Variants in MYDGF observed in about 807,000 individuals in gnomAD.
The protein encoded by MYDGF is myeloid-derived growth factor.
MYDGF carries 29 observed loss-of-function variants against 24.2 expected under a neutral mutation model. The ratio of observed to expected loss-of-function variants is 1.20; its 90% CI spans 0.89 to 1.63. The LOEUF (loss-of-function observed/expected upper bound fraction) is 1.63. MYDGF is among the 40% of genes most tolerant of loss of function. The pLI is 0.00. For synonymous variants in MYDGF, 105 were observed against 102.5 expected, an observed-to-expected ratio of 1.02 and a Z score of -0.15; for missense variants, 245 against 234.8, an observed-to-expected ratio of 1.04 and a Z score of -0.29.
In MYDGF at chr19:4,660,713, T is replaced by C; in HGVS notation, c.325A>G (p.Lys109Glu). The C allele has an allele frequency of 6.2e-7, 1 of 1,614,034 alleles. No individual in the cohort carries two copies. Among genetic ancestry groups the C allele is most frequent in the Non-Finnish European group, 8.5e-7 (1 of 1,179,998 alleles). Residue 109 changes from lysine to glutamate, a missense_variant, in exon 4 of 6, where the codon AAG becomes GAG. Lys to Glu is a moderately conservative substitution (Grantham distance 56). Transcript: ENST00000262947. ...ATCTCAGCGCCCCGCACCTCTGCCT[T>C]GAACTGTGTGAAGTACAGATAGGAC... The part of the protein sequence containing the change: ...GKSYLYFTQF[K>E]AEVRGAEIEY...
intron 5 of MYDGF, among the ~76,000 whole-genome samples, chr19:4,658,864 G>A (rs2088446017): frequency 1.3e-5 from 2 of 152,088 alleles, no homozygotes; most frequent in South Asian, 4.2e-4. Context: ...GTGCAGTGGT[G>A]CAGTCTCGAC....
In MYDGF at chr19:4,668,575, G is replaced by C; in HGVS notation, c.225+20C>G. The C allele has an allele frequency of 6.2e-7, 1 of 1,600,758 alleles. No individual in the cohort carries two copies. Among genetic ancestry groups the C allele is most frequent in the Non-Finnish European group, 8.6e-7 (1 of 1,168,012 alleles). On this transcript the variant is annotated intron_variant, in intron 2 of 5. Transcript: ENST00000262947. Reference sequence around the variant, plus strand: ...ATGGATACTGTCACAGTAAGCTAGAGGGAATTTTGAACAACTCACCTCATT... The same window carrying C: ...ATGGATACTGTCACAGTAAGCTAGACGGAATTTTGAACAACTCACCTCATT...
chr19:4,665,544 G>T (rs1045790394), intron 2 of MYDGF, among the ~76,000 whole-genome samples: 12 of 152,122 alleles, frequency 7.9e-5, no homozygotes, highest in Admixed American at 3.9e-4. Context: ...TGTCCAGGCC[G>T]GGCGCGGTGG....
At chr19:4,667,707 C>A (rs2088532072) in intron 2 of MYDGF, among the ~76,000 whole-genome samples, 1 of 141,382 alleles carries the variant, frequency 7.1e-6, no homozygotes, top group Non-Finnish European at 1.5e-5. Flanking sequence ...TTCTCCCAGC[C>A]CAGAGACTTT....
At chr19:4,665,062 T>A in intron 2 of MYDGF, 125 bp from the exon 3 acceptor site, 3 of 1,033,582 alleles carry the variant, frequency 2.9e-6, no homozygotes, top group Non-Finnish European at 4.2e-6. Context: ...GGCTGGCCAC[T>A]AAATCCCCTG....
At chr19:4,664,764 C>T in intron 3 of MYDGF, 112 bp downstream of exon 3, 2 of 1,214,710 alleles carry the variant, frequency 1.6e-6, no homozygotes, top group Non-Finnish European at 2.3e-6. Flanking sequence ...CCCTGCTGGT[C>T]TGTCTTCCCC....
At chr19:4,670,061 C>A in intron 1 of MYDGF, 100 bp downstream of exon 1, 1 of 1,289,154 alleles carries the variant, frequency 7.8e-7, no homozygotes, top group Non-Finnish European at 1.0e-6. Flanking sequence ...GTACCCACCT[C>A]CGCGGTCCGC....
chr19:4,665,811 A>T (rs1001709001), intron 2 of MYDGF, among the ~76,000 whole-genome samples: 34 of 115,430 alleles, frequency 2.9e-4, no homozygotes, highest in African/African-American at 1.1e-3. Context: ...ACAGAGCGAG[A>T]CTCTGTCTCA....
intron 3 of MYDGF, among the ~76,000 whole-genome samples, chr19:4,661,702 G>A (rs2088472450): frequency 6.6e-6 from 1 of 152,096 alleles, no homozygotes. Flanking sequence ...GGGGTATCCA[G>A]GGAGCCCTAG....
chr19:4,657,730 CTT>C lies in MYDGF; in HGVS notation c.*273_*274del. On this transcript the variant is annotated 3_prime_UTR_variant, in exon 6 of 6. Transcript: ENST00000262947. Reference sequence around the variant, plus strand: ...GCATAGCCCCCATGTTCCCCACCCTCTTTGTGCCCCGGATCTGCGATCCTGAG... The same window carrying C: ...GCATAGCCCCCATGTTCCCCACCCTCTGTGCCCCGGATCTGCGATCCTGAG... The C allele has an allele frequency of 6.4e-6, 2 of 314,854 alleles. No individual in the cohort carries two copies. The highest frequency in any genetic ancestry group is 1.2e-5 in the Non-Finnish European group (2 of 169,020). The allele number at this position is 314,854 out of a possible 1,614,324, so 19.5% of individuals were successfully genotyped here.
chr19:4,668,976 T>C (rs184739106), intron 1 of MYDGF, among the ~76,000 whole-genome samples: 28 of 152,230 alleles, frequency 1.8e-4, no homozygotes, highest in African/African-American at 6.0e-4. Context: ...CCTGAGTACT[T>C]GGGATTACAG....
chr19:4,665,996 C>T (rs530910735), intron 2 of MYDGF, among the ~76,000 whole-genome samples: 2 of 151,662 alleles, frequency 1.3e-5, no homozygotes, highest in East Asian at 2.0e-4. Context: ...TCCAGGTTGT[C>T]GGTGGAGCTG....
chr19:4,665,063 A>T (rs2088510175), intron 2 of MYDGF, 126 bp from the exon 3 acceptor site: 1 of 1,027,234 alleles, frequency 9.7e-7, no homozygotes, highest in Non-Finnish European at 1.4e-6. Context: ...GCTGGCCACT[A>T]AATCCCCTGC....
At chr19:4,668,889 C>T (rs554161909) in intron 1 of MYDGF, among the ~76,000 whole-genome samples, 7 of 150,792 alleles carry the variant, frequency 4.6e-5, no homozygotes, top group African/African-American at 1.2e-4. Flanking sequence ...TGTTCTGTCG[C>T]CCAGGCTGAA....
chr19:4,668,844 G>A (rs1381358177), intron 1 of MYDGF, 199 bp from the exon 2 acceptor site: 10 of 465,936 alleles, frequency 2.1e-5, no homozygotes, highest in South Asian at 1.6e-4. Flanking sequence ...CACCACACCC[G>A]ACTAATTTTT....
intron 5 of MYDGF, among the ~76,000 whole-genome samples, chr19:4,658,731 G>A (rs954550500): frequency 6.6e-6 from 1 of 152,064 alleles, no homozygotes; most frequent in Non-Finnish European, 1.5e-5. Flanking sequence ...GCCTCCCCTC[G>A]GCATGCCACA....
At chr19:4,669,767 G>A (rs1421509644) in intron 1 of MYDGF, among the ~76,000 whole-genome samples, 1 of 152,072 alleles carries the variant, frequency 6.6e-6, no homozygotes, top group Non-Finnish European at 1.5e-5. Context: ...CTCCCTCTTC[G>A]GAGCTGCAGC....
intron 3 of MYDGF, 28 bp downstream of exon 3, chr19:4,664,848 G>A (rs1377142914): frequency 1.2e-6 from 2 of 1,610,172 alleles, no homozygotes; most frequent in Non-Finnish European, 1.7e-6. Context: ...ACGGCAGCCG[G>A]AAATGCCATC....
At chr19:4,665,745 C>T (rs867024354) in intron 2 of MYDGF, among the ~76,000 whole-genome samples, 2 of 137,558 alleles carry the variant, frequency 1.5e-5, no homozygotes, top group Admixed American at 8.7e-5. Context: ...GGCGTGTACC[C>T]GGGAGGCGGA....
Sources: gnomAD v4.1 joint callset for allele counts (sites outside exome capture counted in the v4.1 genomes callset) on GRCh38, gnomAD v4.1.1 for gene constraint, MANE v1.5 for transcripts, NCBI Gene and HGNC (gene_info 2026-07-23, HGNC 2026-07-21) for gene names.